PRM2: variants seen among roughly 807,000 people sequenced by gnomAD.
PRM2 encodes protamine 2.
In PRM2, 6 loss-of-function variants were observed where a neutral mutation model predicts 10.7. The observed-to-expected ratio is 0.56, with a 90% CI of 0.31 to 1.11. PRM2 has a LOEUF of 1.11. Ranked by LOEUF, PRM2 falls within the 50% of genes least tolerant of loss-of-function variation. The pLI, the probability that PRM2 is intolerant of heterozygous loss-of-function variation, is 0.06. For synonymous variants in PRM2, 64 were observed against 54.8 expected (o/e 1.17, Z -0.74); for missense variants, 194 against 147.7 (o/e 1.31, Z -1.62).
chr16:11,276,203 T>C lies in PRM2; in HGVS notation c.168A>G (p.Arg56=). ...GGTGCAGCCTCCTTCGAGAGCAGTG[T>C]CTGCGCCTATAGTGAGACTGGCCAT... ...RTHGQSHYRR[R]HCSRRRLHRI... Residue 56 remains arginine (R), a synonymous_variant, in exon 1 of 2, where the codon AGA becomes AGG. Coordinates refer to ENST00000241808, the MANE Select transcript of PRM2 (RefSeq NM_002762.4). 6.2e-7 allele frequency: 1 copy of C among 1,614,182 alleles called. No individual in the cohort carries two copies. Among genetic ancestry groups the C allele is most frequent in the Non-Finnish European group, 8.5e-7 (1 of 1,180,036 alleles).
Position 11,276,125 on chromosome 16 carries a change from G to A in PRM2, c.246C>T (p.Cys82=), listed in dbSNP as rs1212494935. Residue 82 remains cysteine (C), a synonymous_variant, in exon 1 of 2, where the codon TGC becomes TGT. Transcript: ENST00000241808. ...RSCRRRKRRS[C]RHRRRHRRGC... The stretch of plus-strand genomic sequence containing the variant: ...CTCTGCGATGCCTCCTCCGGTGCCT[G>A]CAGGAGCGTCTTTTGCGCCTTCTGC... The A allele has an allele frequency of 2.5e-6, 4 of 1,612,596 alleles. No homozygotes were observed. The South Asian group carries it at 4.4e-5, about 18-fold the overall frequency.
Position 11,276,335 on chromosome 16 carries a change from G to GCGTT in PRM2, c.32_35dup (p.Ser13ThrfsTer43). On this transcript the variant is annotated frameshift_variant, in exon 1 of 2. Transcript: ENST00000241808. LOFTEE classifies it high-confidence loss of function. ...ACTGCTGCCTGTACACCTCGTGCGAGCGTTCGCTCAGGCTCCTCACGCGGT... is the reference window on the plus strand; with the variant it reads ...ACTGCTGCCTGTACACCTCGTGCGAGCGTTCGTTCGCTCAGGCTCCTCACGCGGT... 1 of 1,614,270 alleles carries GCGTT rather than the reference G, an allele frequency of 6.2e-7. No individual in the cohort carries two copies. Among genetic ancestry groups the GCGTT allele is most frequent in the Non-Finnish European group, 8.5e-7 (1 of 1,180,044 alleles).
chr16:11,276,121 G>T lies in PRM2; in HGVS notation c.250C>A (p.His84Asn). Residue 84 changes from histidine to asparagine, a missense_variant, in exon 1 of 2, where the codon CAC becomes AAC. Coordinates refer to ENST00000241808, the MANE Select transcript of PRM2 (RefSeq NM_002762.4). Reference protein sequence around the residue: ...CRRRKRRSCRHRRRHRRGCRT... With the variant: ...CRRRKRRSCRNRRRHRRGCRT... ...AGACCTCTGCGATGCCTCCTCCGGT[G>T]CCTGCAGGAGCGTCTTTTGCGCCTT... 1 of 1,612,296 alleles carries T rather than the reference G, an allele frequency of 6.2e-7. No homozygotes were observed.
At chr16:11,275,958 G>T (rs1699970590) in intron 1 of PRM2, 21 bp from the exon 2 acceptor site, 1 of 1,614,058 alleles carries the variant, frequency 6.2e-7, no homozygotes. Flanking sequence ...AGAAAGTTCT[G>T]GTTGAGGGGG....
In PRM2 at chr16:11,275,665, T is replaced by C; in HGVS notation, c.*235A>G. The stretch of plus-strand genomic sequence containing the variant: ...GTCTTGTCAAGCTTTATTGGGCAGG[T>C]GACTTTTGCTCGTTTCACTCAGATC... On this transcript the variant is annotated 3_prime_UTR_variant, in exon 2 of 2. Transcript: ENST00000241808. 1 of 953,320 alleles carries C rather than the reference T, an allele frequency of 1.0e-6. No individual in the cohort carries two copies. The highest frequency in any genetic ancestry group is 1.6e-6 in the Non-Finnish European group (1 of 644,898). The allele number at this position is 953,320 out of a possible 1,614,324, so 59.1% of individuals were successfully genotyped here.
chr16:11,276,069 C>T, intron 1 of PRM2, 31 bp downstream of exon 1: 1 of 1,611,226 alleles, frequency 6.2e-7, no homozygotes, highest in Non-Finnish European at 8.5e-7. Context: ...TGGTCAGGGA[C>T]ATGCAGGGCA....
rs1597706604 is a variant in PRM2, at chr16:11,276,310, A to C, written c.61T>G (p.Leu21Val). 1 of 1,614,170 alleles carries C rather than the reference A, an allele frequency of 6.2e-7. No homozygotes were observed. Among genetic ancestry groups the C allele is most frequent in the South Asian group, 1.1e-5 (1 of 91,086 alleles). ...ERSHEVYRQQ[L>V]HGQEQGHHGQ... ...TGGTGTCCTTGCTCTTGCCCATGCA[A>C]CTGCTGCCTGTACACCTCGTGCGAG... The change falls in exon 1 of 2, where the codon TTG becomes GTG. Residue 21 changes from leucine to valine, a missense_variant. Coordinates refer to ENST00000241808, the MANE Select transcript of PRM2 (RefSeq NM_002762.4).
chr16:11,276,199 A>G lies in PRM2; in HGVS notation c.172T>C (p.Cys58Arg). Residue 58 changes from cysteine (C) to arginine (R), a missense_variant, in exon 1 of 2, where the codon TGC becomes CGC. Cys to Arg is a radical substitution (Grantham distance 180). Coordinates refer to ENST00000241808, the MANE Select transcript of PRM2 (RefSeq NM_002762.4). Reference protein sequence around the residue: ...HGQSHYRRRHCSRRRLHRIHR... With the variant: ...HGQSHYRRRHRSRRRLHRIHR... The stretch of plus-strand genomic sequence containing the variant: ...ATCCGGTGCAGCCTCCTTCGAGAGC[A>G]GTGTCTGCGCCTATAGTGAGACTGG... 2 of 1,614,180 alleles carry G rather than the reference A, an allele frequency of 1.2e-6. No individual in the cohort carries two copies. Among genetic ancestry groups the G allele is most frequent in the Non-Finnish European group, 1.7e-6 (2 of 1,180,040 alleles).
Position 11,276,100 on chromosome 16 carries a change from C to G in PRM2, c.271G>C (p.Gly91Arg). ...SCRHRRRHRR[G>R]CRTRKRTCRR... ...GGGCAAGGCGGGGGCGCAGGCAGAC[C>G]TCTGCGATGCCTCCTCCGGTGCCTG... Residue 91 changes from glycine to arginine, a missense_variant and splice_region_variant, in exon 1 of 2, where the codon GGC (glycine) becomes CGC (arginine). Physicochemically the swap from Gly to Arg is moderately radical, Grantham distance 125. Coordinates refer to ENST00000241808, the MANE Select transcript of PRM2 (RefSeq NM_002762.4). The G allele has an allele frequency of 1.2e-6, 2 of 1,610,798 alleles. No individual in the cohort carries two copies. Among genetic ancestry groups the G allele is most frequent in the Non-Finnish European group, 1.7e-6 (2 of 1,179,794 alleles).
In PRM2 at chr16:11,276,340, CGCTCAG is replaced by C. The variant is rs1567465205; in HGVS notation, c.25_30del (p.Leu9_Ser10del). On this transcript the variant is annotated inframe_deletion, in exon 1 of 2. Coordinates refer to ENST00000241808, the MANE Select transcript of PRM2 (RefSeq NM_002762.4). ...TGCCTGTACACCTCGTGCGAGCGTT[CGCTCAG>C]GCTCCTCACGCGGTATCGGACCATG... 1 of 1,614,230 alleles carries C rather than the reference CGCTCAG, an allele frequency of 6.2e-7. No individual in the cohort carries two copies. The highest frequency in any genetic ancestry group is 1.3e-5 in the African/African-American group (1 of 75,056).
chr16:11,276,307 G>A lies in PRM2; in HGVS notation c.64C>T (p.His22Tyr), dbSNP rs759591463. The A allele has an allele frequency of 1.9e-6, 3 of 1,614,250 alleles. No homozygotes were observed. Among genetic ancestry groups the A allele is most frequent in the Non-Finnish European group, 2.5e-6 (3 of 1,180,038 alleles). The change falls in exon 1 of 2, where the codon CAT becomes TAT. Residue 22 changes from histidine to tyrosine, a missense_variant. Transcript: ENST00000241808. ...CCGTGGTGTCCTTGCTCTTGCCCAT[G>A]CAACTGCTGCCTGTACACCTCGTGC... The part of the protein sequence containing the change: ...RSHEVYRQQL[H>Y]GQEQGHHGQE...
chr16:11,276,342 C>T lies in PRM2; in HGVS notation c.29G>A (p.Ser10Asn). 1 of 1,614,244 alleles carries T rather than the reference C, an allele frequency of 6.2e-7. No individual in the cohort carries two copies. Among genetic ancestry groups the T allele is most frequent in the Non-Finnish European group, 8.5e-7 (1 of 1,180,030 alleles). The change falls in exon 1 of 2, where the codon AGC becomes AAC. Residue 10 changes from serine to asparagine, a missense_variant. Physicochemically the swap from Ser to Asn is conservative, Grantham distance 46 (BLOSUM62 1). Transcript: ENST00000241808. The part of the protein sequence containing the change: MVRYRVRSL[S>N]ERSHEVYRQQ... ...CCTGTACACCTCGTGCGAGCGTTCGCTCAGGCTCCTCACGCGGTATCGGAC... is the reference window on the plus strand; with the variant it reads ...CCTGTACACCTCGTGCGAGCGTTCGTTCAGGCTCCTCACGCGGTATCGGAC...
Position 11,275,783 on chromosome 16 carries a change from C to G in PRM2, c.*117G>C, listed in dbSNP as rs994577165. On this transcript the variant is annotated 3_prime_UTR_variant, in exon 2 of 2. Transcript: ENST00000241808. Reference sequence around the variant, plus strand: ...CGGTGTTTCTTGGGCAGGTGACTTTCTCTTAACTTCCAGCTGGGGGCTTGA... The same window carrying G: ...CGGTGTTTCTTGGGCAGGTGACTTTGTCTTAACTTCCAGCTGGGGGCTTGA... The G allele has an allele frequency of 6.3e-7, 1 of 1,578,946 alleles. No homozygotes were observed. Among genetic ancestry groups the G allele is most frequent in the Non-Finnish European group, 8.6e-7 (1 of 1,163,050 alleles).
chr16:11,275,991 G>T, intron 1 of PRM2, 54 bp from the exon 2 acceptor site: 1 of 1,612,646 alleles, frequency 6.2e-7, no homozygotes, highest in African/African-American at 1.3e-5. Flanking sequence ...TCTGGGTGGG[G>T]ACGGGGGTTA....
At position 11,276,147 on chromosome 16, in the gene PRM2, C is replaced by G; in HGVS notation, c.224G>C (p.Arg75Thr). ...RIHRRQHRSCRRRKRRSCRHR... is the reference protein window; with the variant it reads ...RIHRRQHRSCTRRKRRSCRHR... ...CCTGCAGGAGCGTCTTTTGCGCCTT[C>G]TGCAGGAGCGATGCTGCCGCCTGTG... The change falls in exon 1 of 2, where the codon AGA becomes ACA. Residue 75 changes from arginine (R) to threonine (T), a missense_variant. Physicochemically the swap from Arg to Thr is moderately conservative, Grantham distance 71. Transcript: ENST00000241808. The G allele has an allele frequency of 1.2e-6, 2 of 1,613,634 alleles. No individual in the cohort carries two copies. Among genetic ancestry groups the G allele is most frequent in the Non-Finnish European group, 1.7e-6 (2 of 1,180,032 alleles).
chr16:11,276,040 C>T, intron 1 of PRM2, 60 bp downstream of exon 1: 1 of 1,610,504 alleles, frequency 6.2e-7, no homozygotes, highest in Non-Finnish European at 8.5e-7. Flanking sequence ...GGGTCCCCGC[C>T]TCCCTCCTGT....
chr16:11,276,167 C>T lies in PRM2; in HGVS notation c.204G>A (p.Arg68=), dbSNP rs1304665236. ...CSRRRLHRIH[R]RQHRSCRRRK... is the part of the protein sequence containing the mutation. ...GCCTTCTGCAGGAGCGATGCTGCCG[C>T]CTGTGGATCCGGTGCAGCCTCCTTC... Residue 68 remains arginine, a synonymous_variant, in exon 1 of 2, where the codon AGG becomes AGA. Coordinates refer to ENST00000241808, the MANE Select transcript of PRM2 (RefSeq NM_002762.4). The T allele has an allele frequency of 6.2e-7, 1 of 1,614,044 alleles. No homozygotes were observed.
In PRM2 at chr16:11,275,928, G is replaced by T. The variant is rs371633986; in HGVS notation, c.281C>A (p.Thr94Asn). The change falls in exon 2 of 2, where the codon ACC becomes AAC. Residue 94 changes from threonine to asparagine, a missense_variant. By Grantham distance (65) the Thr-to-Asn change is moderately conservative. Transcript: ENST00000241808. Reference sequence around the variant, plus strand: ...GTGCCTTCTGCATGTTCTCTTCCTGGTTCTGCAGCCTTTTGGGAAAGAAAG... The same window carrying T: ...GTGCCTTCTGCATGTTCTCTTCCTGTTTCTGCAGCCTTTTGGGAAAGAAAG... ...HRRRHRRGCR[T>N]RKRTCRRH 4.3e-6 allele frequency: 7 copies of T among 1,613,810 alleles called. No individual in the cohort carries two copies. The South Asian group carries it at 6.6e-5, about 15-fold the overall frequency.
In PRM2 at chr16:11,275,727, T is replaced by G; in HGVS notation, c.*173A>C. The G allele has an allele frequency of 6.8e-7, 1 of 1,471,710 alleles. No homozygotes were observed. Among genetic ancestry groups the G allele is most frequent in the Non-Finnish European group, 9.3e-7 (1 of 1,079,126 alleles). The allele number at this position is 1,471,710 out of a possible 1,614,324, so 91.2% of individuals were successfully genotyped here. Reference sequence around the variant, plus strand: ...TCGGCGGCAACTCAGGGCTTGAGCATTTGATGTAGGGGAGTTGCTATGGCC... The same window carrying G: ...TCGGCGGCAACTCAGGGCTTGAGCAGTTGATGTAGGGGAGTTGCTATGGCC... On this transcript the variant is annotated 3_prime_UTR_variant, in exon 2 of 2. Coordinates refer to ENST00000241808, the MANE Select transcript of PRM2 (RefSeq NM_002762.4).
Sources: gnomAD v4.1 joint callset for allele counts on GRCh38, gnomAD v4.1.1 for gene constraint, MANE v1.5 for transcripts, NCBI Gene and HGNC (gene_info 2026-07-23, HGNC 2026-07-21) for gene names.